The following ANKRD18A variants were observed in gnomAD, a reference collection of about 807,000 sequenced individuals.
ANKRD18A encodes the protein ankyrin repeat domain-containing protein 18A.
In ANKRD18A, 72 loss-of-function variants were observed where a neutral mutation model predicts 110.6. That is an observed-to-expected ratio of 0.65 (90% CI 0.54 to 0.79). ANKRD18A has a LOEUF of 0.79. ANKRD18A is among the 30% of genes least tolerant of loss of function. ANKRD18A has a pLI of 0.00. For synonymous variants in ANKRD18A, 305 were observed against 410.3 expected (o/e 0.74, Z 3.10); for missense variants, 934 against 1,163.3 (o/e 0.80, Z 2.87).
chr9:38,604,387 C>T (rs1825262772), intron 6 of ANKRD18A: 3 of 149,778 alleles, frequency 2.0e-5, no homozygotes, highest in Middle Eastern at 3.5e-3. Context: ...GCAGCCCTTC[C>T]AGCCTTTAGA....
At position 38,611,258 on chromosome 9, in the gene ANKRD18A, A is replaced by T; in HGVS notation, c.559T>A (p.Leu187Met). 1 of 1,531,674 alleles carries T rather than the reference A, an allele frequency of 6.5e-7. No individual in the cohort carries two copies. Among genetic ancestry groups the T allele is most frequent in the South Asian group, 1.3e-5 (1 of 79,914 alleles). 94.9% of individuals were successfully genotyped at this position (1,531,674 alleles called of 1,614,324 possible). Reference protein sequence around the residue: ...SRRQHMVEFLLKNQANIHAVD... With the variant: ...SRRQHMVEFLMKNQANIHAVD... Reference sequence around the variant, plus strand: ...GCATGTATATTTGCCTGGTTCTTCAATAAAAATTCCACCATATGCTGTCTC... The same window carrying T: ...GCATGTATATTTGCCTGGTTCTTCATTAAAAATTCCACCATATGCTGTCTC... Residue 187 changes from leucine (L) to methionine (M), a missense_variant, in exon 4 of 16, where the codon TTG (leucine) becomes ATG (methionine). Around this residue, in one of 4 missense-constraint regions of ANKRD18A, gnomAD observed 630 missense variants for 797.5 expected, o/e 0.79. Transcript: ENST00000399703.
intron 15 of ANKRD18A, among the ~76,000 whole-genome samples, chr9:38,574,393 A>G (rs1823788221): frequency 1.3e-5 from 2 of 152,168 alleles, no homozygotes. Flanking sequence ...TTTTGTTACA[A>G]TGATTTATAT....
chr9:38,600,251 C>T (rs1190129269), intron 8 of ANKRD18A, among the ~76,000 whole-genome samples: 1 of 152,166 alleles, frequency 6.6e-6, no homozygotes. Context: ...TATCTAAAGG[C>T]TTTCTCTCTT....
At chr9:38,608,420 C>A (rs1825451342) in intron 5 of ANKRD18A, among the ~76,000 whole-genome samples, 1 of 151,692 alleles carries the variant, frequency 6.6e-6, no homozygotes. Context: ...CATGTACTAA[C>A]AACATATTTG....
chr9:38,583,623 C>T (rs964067890), intron 12 of ANKRD18A, among the ~76,000 whole-genome samples: 16 of 152,076 alleles, frequency 1.1e-4, no homozygotes, highest in Admixed American at 3.3e-4. Flanking sequence ...CTCCTGACCT[C>T]GTGATCCACC....
At chr9:38,570,823 C>A (rs1017935947), downstream of ANKRD18A, among the ~76,000 whole-genome samples, 8 of 152,228 alleles carry the variant, frequency 5.3e-5, no homozygotes, top group African/African-American at 1.9e-4. Context: ...CCCAGCTTCA[C>A]ACTCACCCCG....
At chr9:38,591,224 C>T (rs1335188919) in intron 10 of ANKRD18A, among the ~76,000 whole-genome samples, 1 of 151,770 alleles carries the variant, frequency 6.6e-6, no homozygotes, top group African/African-American at 2.4e-5. Flanking sequence ...CTTGCCTCAG[C>T]TTCCCCAAGT....
Position 38,610,497 on chromosome 9 carries a change from C to T in ANKRD18A, c.603-87G>A. On this transcript the variant is annotated intron_variant, in intron 4 of 15. Coordinates refer to ENST00000399703, the MANE Select transcript of ANKRD18A (RefSeq NM_147195.4). ...TGGATACACTTTACCAATTTCATATCTTGCCTGTCAGGATAGACATAATAA... is the reference window on the plus strand; with the variant it reads ...TGGATACACTTTACCAATTTCATATTTTGCCTGTCAGGATAGACATAATAA... The T allele has an allele frequency of 2.7e-6, 4 of 1,472,132 alleles. No individual in the cohort carries two copies. The South Asian group carries it at 5.7e-5, about 21-fold the overall frequency. The allele number at this position is 1,472,132 out of a possible 1,614,324, so 91.2% of individuals were successfully genotyped here.
intron 12 of ANKRD18A, among the ~76,000 whole-genome samples, chr9:38,578,510 T>C (rs1382197997): frequency 6.6e-6 from 1 of 152,204 alleles, no homozygotes; most frequent in African/African-American, 2.4e-5. Flanking sequence ...TCAAAAAAAC[T>C]TTCAGAGATA....
In ANKRD18A at chr9:38,577,854, T is replaced by C. The variant is rs1823967549; in HGVS notation, c.2529+13A>G. The stretch of plus-strand genomic sequence containing the variant: ...CCCATTACAGATAAACTTACCTGAT[T>C]TTAAAAACTAACCTGTAAATGGATT... On this transcript the variant is annotated intron_variant, in intron 13 of 15. Transcript: ENST00000399703. 8 of 1,576,476 alleles carry C rather than the reference T, an allele frequency of 5.1e-6. No homozygotes were observed. The highest frequency in any genetic ancestry group is 1.4e-5 in the African/African-American group (1 of 72,608).
downstream of ANKRD18A, among the ~76,000 whole-genome samples, chr9:38,570,060 G>A (rs1250271534): frequency 6.6e-6 from 1 of 152,100 alleles, no homozygotes; most frequent in Non-Finnish European, 1.5e-5. Flanking sequence ...TCACACATCG[G>A]CTAACTGGCC....
chr9:38,575,001 G>T (rs1587481623), intron 15 of ANKRD18A, among the ~76,000 whole-genome samples: 1 of 151,880 alleles, frequency 6.6e-6, no homozygotes, highest in Non-Finnish European at 1.5e-5. Context: ...GGCTGAGGCA[G>T]GAGAATCACT....
intron 5 of ANKRD18A, among the ~76,000 whole-genome samples, chr9:38,609,211 G>T (rs1825489745): frequency 3.9e-5 from 6 of 152,078 alleles, no homozygotes; most frequent in Admixed American, 3.9e-4. Context: ...CGGGCGCGGT[G>T]GCTCACGCCT....
At chr9:38,585,267 T>C (rs1429781249) in intron 12 of ANKRD18A, among the ~76,000 whole-genome samples, 1 of 152,198 alleles carries the variant, frequency 6.6e-6, no homozygotes, top group Non-Finnish European at 1.5e-5. Context: ...AATGACCTTA[T>C]CTTAATTAAG....
intron 5 of ANKRD18A, among the ~76,000 whole-genome samples, chr9:38,609,138 C>T (rs907472567): frequency 6.6e-5 from 10 of 152,146 alleles, no homozygotes; most frequent in African/African-American, 2.4e-4. Context: ...GCTGCCAGAG[C>T]AGGGTGCTGG....
rs1183427830 is a variant in ANKRD18A at position 38,607,489 on chromosome 9, G to T, written c.745C>A (p.Arg249=). ...TTTTTATGTTCCAAAATTTGTTGTC[G>T]GATGCTATGCATAATAAACGTAATA... ...YALCSDLRSI[R]QQILEHKNKM... is the part of the protein sequence containing the mutation. Residue 249 remains arginine, a synonymous_variant, in exon 6 of 16, where the codon CGA becomes AGA. Coordinates refer to ENST00000399703, the MANE Select transcript of ANKRD18A (RefSeq NM_147195.4). 3 of 1,483,120 alleles carry T rather than the reference G, an allele frequency of 2.0e-6. No individual in the cohort carries two copies. Among genetic ancestry groups the T allele is most frequent in the African/African-American group, 1.4e-5 (1 of 69,400 alleles). The allele number at this position is 1,483,120 out of a possible 1,614,324, so 91.9% of individuals were successfully genotyped here.
intron 1 of ANKRD18A, among the ~76,000 whole-genome samples, chr9:38,619,100 C>T (rs919806070): frequency 2.0e-5 from 3 of 151,586 alleles, no homozygotes; most frequent in African/African-American, 4.8e-5. Flanking sequence ...TTTTAGTTTG[C>T]TAAATCAACT....
At chr9:38,590,857 G>A (rs1824614170) in intron 10 of ANKRD18A, among the ~76,000 whole-genome samples, 1 of 152,122 alleles carries the variant, frequency 6.6e-6, no homozygotes, top group Non-Finnish European at 1.5e-5. Flanking sequence ...TATTGATTGA[G>A]ATGGTTTAAA....
At chr9:38,617,593 C>CTGA (rs1424446230) in intron 1 of ANKRD18A, among the ~76,000 whole-genome samples, 1 of 152,136 alleles carries the variant, frequency 6.6e-6, no homozygotes, top group Non-Finnish European at 1.5e-5. Context: ...GTATTTAAGA[C>CTGA]TGATAAATTT....
Sources: allele counts gnomAD v4.1 joint callset (sites outside exome capture counted in the v4.1 genomes callset), GRCh38; gene constraint gnomAD v4.1.1; regional missense constraint gnomAD v4.1.1; transcripts MANE v1.5; gene names NCBI Gene and HGNC (gene_info 2026-07-23, HGNC 2026-07-21).